TARBP1: variants seen among roughly 807,000 people sequenced by gnomAD.
The protein encoded by TARBP1 is tRNA (guanosine(18)-2'-O)-methyltransferase TARBP1.
TARBP1 carries 144 observed loss-of-function variants against 178.6 expected under a neutral mutation model. The observed-to-expected ratio is 0.81, with a 90% confidence interval of 0.70 to 0.93. TARBP1 has a LOEUF of 0.93. Ranked by LOEUF, TARBP1 falls within the 40% of genes least tolerant of loss-of-function variation. The pLI is 0.00. For missense variants in TARBP1, 2,067 were observed against 2,011.7 expected, an observed-to-expected ratio of 1.03 and a Z score of -0.53; for synonymous variants, 787 against 781.0, an observed-to-expected ratio of 1.01 and a Z score of -0.13.
intron 20 of TARBP1, among the ~76,000 whole-genome samples, chr1:234,422,856 T>C (rs868345559): frequency 3.9e-5 from 6 of 152,216 alleles, no homozygotes; most frequent in African/African-American, 1.4e-4. Context: ...CCCATAAATA[T>C]ATACACCTAC....
chr1:234,479,050 G>C lies in TARBP1; in HGVS notation c.54C>G (p.Ala18=), dbSNP rs747479337. 3.2e-6 allele frequency: 5 copies of C among 1,538,958 alleles called. No individual in the cohort carries two copies. The highest frequency in any genetic ancestry group is 3.9e-5 in the Admixed American group (2 of 51,914). The change falls in exon 1 of 30, where the codon GCC becomes GCG. Residue 18 remains alanine, a synonymous_variant. Coordinates refer to ENST00000040877, the MANE Select transcript of TARBP1 (RefSeq NM_005646.4). ...CCCCTTGGCACAGCGCCCCAAGCAG[G>C]GCCCGGGGGTCCCGGCTCTGCGAGA... is the stretch of plus-strand genomic sequence containing the variant. ...ALLSQSRDPR[A]LLGALCQGEA...
intron 23 of TARBP1, chr1:234,406,835 C>T (rs1009019230): frequency 4.6e-5 from 7 of 152,200 alleles, no homozygotes; most frequent in African/African-American, 1.7e-4. Context: ...AATGAAATAT[C>T]AGAAGCTATT....
Position 234,437,313 on chromosome 1 carries a change from A to G in TARBP1, c.2194T>C (p.Phe732Leu). 1 of 1,596,678 alleles carries G rather than the reference A, an allele frequency of 6.3e-7. No individual in the cohort carries two copies. Among genetic ancestry groups the G allele is most frequent in the South Asian group, 1.2e-5 (1 of 86,868 alleles). The change falls in exon 13 of 30, where the codon TTT becomes CTT. Residue 732 changes from phenylalanine to leucine, a missense_variant. Phe to Leu is a conservative substitution (Grantham distance 22). Transcript: ENST00000040877. ...FMSTTESISE[F>L]ILRRLTMNEL... ...TTCATAGTAAGTCTTCTGAGAATAAATTCAGAAATGCTCTCTGTAGTAGAC... is the reference window on the plus strand; with the variant it reads ...TTCATAGTAAGTCTTCTGAGAATAAGTTCAGAAATGCTCTCTGTAGTAGAC...
chr1:234,433,641 A>G, intron 13 of TARBP1, 70 bp from the exon 14 acceptor site: 6 of 1,441,504 alleles, frequency 4.2e-6, no homozygotes, highest in Non-Finnish European at 4.7e-6. Context: ...ACAAGCCTTC[A>G]GGCAGGAGAA....
rs573288184 is a variant in TARBP1, at chr1:234,406,810, C to G, written c.3793-711G>C. 192 of 152,296 alleles carry G rather than the reference C, an allele frequency of 1.3e-3. 2 individuals carry two copies. Among genetic ancestry groups the G allele is most frequent in the African/African-American group, 4.3e-3 (177 of 41,574 alleles). The allele number at this position is 152,296 out of a possible 1,614,324, so 9.4% of individuals were successfully genotyped here. The stretch of plus-strand genomic sequence containing the variant: ...GACATATACTAATGAAGGAACCAGA[C>G]GGACCCAAACTTTTAATGAAATATC... On this transcript the variant is annotated intron_variant, in intron 23 of 29. Transcript: ENST00000040877.
chr1:234,478,317 A>C lies in TARBP1; in HGVS notation c.787T>G (p.Trp263Gly), dbSNP rs1669769657. The change falls in exon 1 of 30, where the codon TGG becomes GGG. Residue 263 changes from tryptophan to glycine, a missense_variant. Trp to Gly is a radical substitution (Grantham distance 184, BLOSUM62 -2). Coordinates refer to ENST00000040877, the MANE Select transcript of TARBP1 (RefSeq NM_005646.4). ...GCCTGCACCGTCCTCCAGAAGCGCCAGCAGCGCCGGGCGTCCGGGCCCGCC... is the reference window on the plus strand; with the variant it reads ...GCCTGCACCGTCCTCCAGAAGCGCCCGCAGCGCCGGGCGTCCGGGCCCGCC... ...REAGPDARRC[W>G]RFWRTVQAGL... 1 of 1,423,550 alleles carries C rather than the reference A, an allele frequency of 7.0e-7. No homozygotes were observed. The highest frequency in any genetic ancestry group is 1.5e-5 in the African/African-American group (1 of 67,358). The allele number at this position is 1,423,550 out of a possible 1,614,324, so 88.2% of individuals were successfully genotyped here. A position where few individuals can be genotyped will look rare whatever the true frequency, so the allele number is the denominator to read the frequency against.
intron 2 of TARBP1, 85 bp downstream of exon 2, chr1:234,472,627 GTC>G: frequency 1.2e-6 from 1 of 843,954 alleles, no homozygotes. Flanking sequence ...ATCTGAGTTA[GTC>G]TCTTTGTATC....
chr1:234,419,766 C>T (rs1159994783), intron 21 of TARBP1, among the ~76,000 whole-genome samples: 1 of 152,054 alleles, frequency 6.6e-6, no homozygotes, highest in Non-Finnish European at 1.5e-5. Flanking sequence ...TGAAAAATAG[C>T]AACCTCCCCC....
chr1:234,394,460 T>A (rs887490524), intron 26 of TARBP1, among the ~76,000 whole-genome samples: 3 of 152,216 alleles, frequency 2.0e-5, no homozygotes, highest in Admixed American at 2.0e-4. Context: ...TCTGTCCTAC[T>A]CCAAACTGCT....
intron 26 of TARBP1, among the ~76,000 whole-genome samples, chr1:234,396,853 T>C (rs560864549): frequency 1.3e-5 from 2 of 151,736 alleles, no homozygotes; most frequent in South Asian, 2.1e-4. Flanking sequence ...CATGGAAAGT[T>C]TGGAGAAGCA....
chr1:234,433,344 A>G (rs954055028), intron 14 of TARBP1, 66 bp downstream of exon 14: 15 of 1,490,486 alleles, frequency 1.0e-5, no homozygotes, highest in Non-Finnish European at 1.4e-5. Context: ...GTGTATAAGA[A>G]CTGAATATGT....
chr1:234,405,045 C>A (rs1661074847), intron 24 of TARBP1, among the ~76,000 whole-genome samples: 1 of 152,160 alleles, frequency 6.6e-6, no homozygotes, highest in Admixed American at 6.5e-5. Flanking sequence ...ACTTAATGGT[C>A]ACGACCAAGA....
intron 22 of TARBP1, among the ~76,000 whole-genome samples, chr1:234,414,073 C>T (rs991664693): frequency 3.9e-5 from 6 of 152,172 alleles, no homozygotes; most frequent in Non-Finnish European, 7.3e-5. Flanking sequence ...ACAAGGAAAA[C>T]GTCTACAGCA....
chr1:234,406,579 TCTG>T, intron 23 of TARBP1: 1 of 164,042 alleles, frequency 6.1e-6, no homozygotes, highest in African/African-American at 2.4e-5. Context: ...TCTGAGCTAC[TCTG>T]TCTTCCCTAA....
At position 234,478,413 on chromosome 1, in the gene TARBP1, G is replaced by T; in HGVS notation, c.691C>A (p.Leu231Met). Residue 231 changes from leucine to methionine, a missense_variant, in exon 1 of 30, where the codon CTG becomes ATG. Transcript: ENST00000040877. The stretch of plus-strand genomic sequence containing the variant: ...TTCTCGGCCAGGGCGCTCAGGACCA[G>T]CAGCTTCTCCTCTACGCGGCCGGAC... ...LGSGRVEEKL[L>M]VLSALAEKLL... 7.2e-7 allele frequency: 1 copy of T among 1,379,728 alleles called. No individual in the cohort carries two copies. 85.5% of individuals were successfully genotyped at this position (1,379,728 alleles called of 1,614,324 possible).
rs1423967334 is a variant in TARBP1, at chr1:234,410,341, A to G, written c.3792+104T>C. Reference sequence around the variant, plus strand: ...AGCAGGGCAGTGGAAAGGAAAGGGAAAAATTGCAAACATTCACAGGAATGC... The same window carrying G: ...AGCAGGGCAGTGGAAAGGAAAGGGAGAAATTGCAAACATTCACAGGAATGC... On this transcript the variant is annotated intron_variant, in intron 23 of 29. Coordinates refer to ENST00000040877, the MANE Select transcript of TARBP1 (RefSeq NM_005646.4). 4.5e-6 allele frequency: 3 copies of G among 666,934 alleles called. No individual in the cohort carries two copies. The East Asian group carries it at 8.4e-5, about 19-fold the overall frequency. 41.3% of individuals were successfully genotyped at this position (666,934 alleles called of 1,614,324 possible). A position where few individuals can be genotyped will look rare whatever the true frequency, so the allele number is the denominator to read the frequency against.
intron 28 of TARBP1, chr1:234,392,845 G>T (rs1167438139): frequency 5.6e-6 from 1 of 179,886 alleles, no homozygotes; most frequent in African/African-American, 2.4e-5. Context: ...CAAGTAGCTG[G>T]GACTACAGGC....
chr1:234,449,991 C>A (rs7513969), intron 10 of TARBP1, among the ~76,000 whole-genome samples: 2 of 152,004 alleles, frequency 1.3e-5, no homozygotes, highest in Non-Finnish European at 2.9e-5. Context: ...TAAACACAGC[C>A]TTTGTTTAAA....
intron 24 of TARBP1, among the ~76,000 whole-genome samples, chr1:234,404,596 G>T (rs1045316124): frequency 2.8e-4 from 42 of 152,188 alleles, no homozygotes; most frequent in Admixed American, 7.9e-4. Context: ...AGTTGGAATT[G>T]TAGGGGTCCC....
Sources: allele counts gnomAD v4.1 joint callset (sites outside exome capture counted in the v4.1 genomes callset), GRCh38; gene constraint gnomAD v4.1.1; transcripts MANE v1.5; gene names NCBI Gene and HGNC (gene_info 2026-07-23, HGNC 2026-07-21).